TUSC3: variants seen among roughly 807,000 people sequenced by gnomAD.
TUSC3 encodes tumor suppressor candidate 3, also known as dolichyl-diphosphooligosaccharide--protein glycosyltransferase subunit TUSC3.
Under a neutral mutation model 44.8 loss-of-function variants are expected in TUSC3, and 45 were observed. The ratio of observed to expected loss-of-function variants is 1.00; its 90% confidence interval spans 0.79 to 1.29. The LOEUF (loss-of-function observed/expected upper bound fraction) is 1.29. TUSC3 is among the 50% of genes most tolerant of loss of function. The pLI is 0.00. For missense variants in TUSC3, 519 were observed against 437.9 expected (o/e 1.19, Z -1.65); for synonymous variants, 212 against 152.9 (o/e 1.39, Z -2.85).
chr8:15,820,655 C>T, the TUSC3 span, among the ~76,000 whole-genome samples: 4 of 152,046 alleles, frequency 2.6e-5, no homozygotes, highest in Non-Finnish European at 4.4e-5. Flanking sequence ...TTTCTGATTT[C>T]GGTATTGGCA....
intron 1 of TUSC3, among the ~76,000 whole-genome samples, chr8:15,431,368 C>G (rs1799871990): frequency 6.6e-6 from 1 of 151,502 alleles, no homozygotes; most frequent in Non-Finnish European, 1.5e-5. Flanking sequence ...GATCATTGTT[C>G]TTTAGTTTTC....
At chr8:15,604,095 T>C (rs559043426) in intron 1 of TUSC3, among the ~76,000 whole-genome samples, 18 of 151,712 alleles carry the variant, frequency 1.2e-4, no homozygotes, top group Admixed American at 2.6e-4. Context: ...TAAGCGTCAA[T>C]ATGCAGAGGT....
At chr8:15,843,000 A>G in the TUSC3 span, among the ~76,000 whole-genome samples, 1 of 152,198 alleles carries the variant, frequency 6.6e-6, no homozygotes, top group Non-Finnish European at 1.5e-5. Flanking sequence ...AGTAATTTGT[A>G]GCAACCACAG....
At chr8:15,654,615 G>T (rs1807074004) in intron 3 of TUSC3, among the ~76,000 whole-genome samples, 1 of 151,994 alleles carries the variant, frequency 6.6e-6, no homozygotes, top group Non-Finnish European at 1.5e-5. Context: ...TGCAAACGTG[G>T]TGAAACCCCC....
At chr8:15,684,872 A>C (rs1808565880) in intron 6 of TUSC3, among the ~76,000 whole-genome samples, 2 of 151,950 alleles carry the variant, frequency 1.3e-5, no homozygotes, top group Admixed American at 1.3e-4. Context: ...CCAGCAAAAC[A>C]CTCAGATGGG....
In TUSC3 at chr8:15,585,711, CA is replaced by C. The variant is rs1803569221; in HGVS notation, c.139-37367del. Among the ~76,000 whole-genome samples, 3 of 152,130 alleles carry C rather than the reference CA, an allele frequency of 2.0e-5. No individual in the cohort carries two copies. In the South Asian group the frequency reaches 6.2e-4, roughly 32 times the overall value. ...ATTTTCCATTGTGGGACTATCTGGG[CA>C]AGTCACCTGTGTAGCCTTTTTTACC... is the stretch of plus-strand genomic sequence containing the variant. On this transcript the variant is annotated intron_variant, in intron 1 of 10. Transcript: ENST00000503731.
intron 2 of TUSC3, among the ~76,000 whole-genome samples, chr8:15,526,817 C>G (rs1375330955): frequency 6.6e-6 from 1 of 152,096 alleles, no homozygotes; most frequent in Non-Finnish European, 1.5e-5. Context: ...CGTTTGAAGT[C>G]TCAGTGTTGA....
At chr8:15,654,725 A>T (rs1481924604) in intron 3 of TUSC3, among the ~76,000 whole-genome samples, 2 of 152,122 alleles carry the variant, frequency 1.3e-5, no homozygotes, top group East Asian at 1.9e-4. Flanking sequence ...TGAACCCAGG[A>T]TATTGAGGTT....
chr8:15,659,949 T>TA (rs958185357), intron 4 of TUSC3, among the ~76,000 whole-genome samples: 2 of 151,994 alleles, frequency 1.3e-5, no homozygotes, highest in Non-Finnish European at 2.9e-5. Flanking sequence ...AAATTCTAAT[T>TA]AAAAAGCAAG....
chr8:15,521,550 C>T (rs1201811058), intron 2 of TUSC3, among the ~76,000 whole-genome samples: 2 of 152,116 alleles, frequency 1.3e-5, no homozygotes, highest in Admixed American at 6.5e-5. Flanking sequence ...CCCCATACCA[C>T]ATTGAAAGAA....
intron 2 of TUSC3, among the ~76,000 whole-genome samples, chr8:15,514,473 T>C (rs1462767399): frequency 6.6e-6 from 1 of 152,154 alleles, no homozygotes; most frequent in African/African-American, 2.4e-5. Context: ...ATTTGAAGTA[T>C]AAAAACCAAA....
intron 6 of TUSC3, among the ~76,000 whole-genome samples, chr8:15,704,779 A>G (rs1809550074): frequency 6.6e-6 from 1 of 151,878 alleles, no homozygotes; most frequent in African/African-American, 2.4e-5. Flanking sequence ...TTGCTCCTAT[A>G]TTGACCCTGA....
At chr8:15,417,711 G>C (rs569244186) in intron 1 of TUSC3, among the ~76,000 whole-genome samples, 30 of 152,312 alleles carry the variant, frequency 2.0e-4, no homozygotes, top group Admixed American at 1.8e-3. Context: ...TGTGCTTCAG[G>C]ACTTCAAAGA....
At chr8:15,651,430 A>C (rs1806899853) in intron 3 of TUSC3, among the ~76,000 whole-genome samples, 1 of 152,220 alleles carries the variant, frequency 6.6e-6, no homozygotes, top group Admixed American at 6.5e-5. Flanking sequence ...CAAATTCATA[A>C]GTTGAAGCCA....
intron 1 of TUSC3, among the ~76,000 whole-genome samples, chr8:15,563,779 G>A (rs1802568222): frequency 6.6e-6 from 1 of 150,904 alleles, no homozygotes. Flanking sequence ...TTCTTAAATT[G>A]CATGATACTG....
At chr8:15,521,303 G>C (rs1801294116) in intron 2 of TUSC3, among the ~76,000 whole-genome samples, 1 of 152,262 alleles carries the variant, frequency 6.6e-6, no homozygotes, top group East Asian at 1.9e-4. Flanking sequence ...CTGACCTTCA[G>C]GGTTCATGCA....
intron 1 of TUSC3, among the ~76,000 whole-genome samples, chr8:15,471,683 T>A (rs1436467633): frequency 1.3e-5 from 2 of 151,658 alleles, no homozygotes; most frequent in African/African-American, 4.8e-5. Context: ...AATCGTGTGA[T>A]CTCAGCTCAC....
At chr8:15,700,832 A>C (rs1809364261) in intron 6 of TUSC3, among the ~76,000 whole-genome samples, 1 of 136,198 alleles carries the variant, frequency 7.3e-6, no homozygotes, top group African/African-American at 2.8e-5. Flanking sequence ...TCCTTTCACT[A>C]GAGGGAATGG....
intron 6 of TUSC3, among the ~76,000 whole-genome samples, chr8:15,704,694 C>T (rs1809546493): frequency 6.6e-6 from 1 of 151,996 alleles, no homozygotes; most frequent in Non-Finnish European, 1.5e-5. Context: ...TCTGTCTGTA[C>T]ATCCAATCCT....
Sources: allele counts gnomAD v4.1 joint callset (sites outside exome capture counted in the v4.1 genomes callset), GRCh38; gene constraint gnomAD v4.1.1; transcripts MANE v1.5; gene names NCBI Gene and HGNC (gene_info 2026-07-23, HGNC 2026-07-21).